Variants in ZNF679 observed in about 807,000 individuals in gnomAD.
ZNF679 encodes the protein hypothetical protein MGC42415.
ZNF679 carries 10 observed loss-of-function variants against 13.4 expected under a neutral mutation model. The observed-to-expected ratio is 0.75, with a 90% CI of 0.46 to 1.27. The LOEUF is 1.27. Among genes scored for constraint, ZNF679 ranks in the 50% most tolerant of loss-of-function variants. ZNF679 has a pLI of 0.00. For synonymous variants in ZNF679, 179 were observed against 162.5 expected (o/e 1.10, Z -0.77); for missense variants, 525 against 477.8 (o/e 1.10, Z -0.92).
chr7:64,240,338 G>T (rs756307148), intron 1 of ZNF679, among the ~76,000 whole-genome samples: 2 of 152,156 alleles, frequency 1.3e-5, no homozygotes, highest in Non-Finnish European at 2.9e-5. Context: ...CACATACATG[G>T]TCACAGCTCA....
At chr7:64,242,148 C>T (rs546126715) in intron 1 of ZNF679, among the ~76,000 whole-genome samples, 6 of 152,320 alleles carry the variant, frequency 3.9e-5, no homozygotes, top group Admixed American at 2.0e-4. Context: ...CACCAACCTA[C>T]CTGTGGACTG....
rs138086056 is a variant in ZNF679 at position 64,257,934 on chromosome 7, G to C, written c.40-2287G>C. On this transcript the variant is annotated intron_variant, in intron 2 of 4. Coordinates refer to ENST00000421025, the MANE Select transcript of ZNF679 (RefSeq NM_153363.3). ...GTCCTGCAGAATCGCTTTGCACAAA[G>C]CAGGGCCAAGATTACCAAGTGATTT... 1.6e-4 allele frequency among the ~76,000 whole-genome samples: 25 copies of C among 152,288 alleles called. No homozygotes were observed. The East Asian group carries it at 4.4e-3, about 27-fold the overall frequency.
At chr7:64,254,577 C>A (rs1353836279) in intron 2 of ZNF679, among the ~76,000 whole-genome samples, 1 of 151,888 alleles carries the variant, frequency 6.6e-6, no homozygotes, top group Non-Finnish European at 1.5e-5. Context: ...TTGCAGAATT[C>A]TGTGAGTATC....
At chr7:64,231,136 T>C (rs1236214169) in intron 1 of ZNF679, among the ~76,000 whole-genome samples, 1 of 152,232 alleles carries the variant, frequency 6.6e-6, no homozygotes, top group Non-Finnish European at 1.5e-5. Context: ...ATGAGTGTTG[T>C]AATCTCTGAC....
chr7:64,248,786 G>A (rs755164321), intron 1 of ZNF679, among the ~76,000 whole-genome samples: 5 of 152,264 alleles, frequency 3.3e-5, no homozygotes, highest in Non-Finnish European at 7.4e-5. Flanking sequence ...GTCCTCTAAG[G>A]TTGGCCTGGC....
At chr7:64,237,447 G>A (rs1205290327) in intron 1 of ZNF679, among the ~76,000 whole-genome samples, 2 of 152,146 alleles carry the variant, frequency 1.3e-5, no homozygotes, top group Non-Finnish European at 2.9e-5. Context: ...CCTGAACCCG[G>A]ATGAGACATG....
chr7:64,265,086 C>G (rs1397250401), intron 4 of ZNF679, among the ~76,000 whole-genome samples: 5 of 151,762 alleles, frequency 3.3e-5, no homozygotes, highest in African/African-American at 1.2e-4. Flanking sequence ...TTTGTAGTTG[C>G]TTTTTCAAAA....
intron 1 of ZNF679, among the ~76,000 whole-genome samples, chr7:64,239,643 C>A (rs1372252781): frequency 6.6e-6 from 1 of 152,092 alleles, no homozygotes; most frequent in Non-Finnish European, 1.5e-5. Flanking sequence ...TTCTTTCCTG[C>A]CTGGACCCTG....
intron 1 of ZNF679, among the ~76,000 whole-genome samples, chr7:64,229,396 CTG>C (rs1465677801): frequency 6.6e-6 from 1 of 152,186 alleles, no homozygotes; most frequent in Non-Finnish European, 1.5e-5. Context: ...AGAGACAACA[CTG>C]TGCCTGTGAG....
At chr7:64,242,283 TGA>T (rs1457158654) in intron 1 of ZNF679, among the ~76,000 whole-genome samples, 4 of 152,214 alleles carry the variant, frequency 2.6e-5, no homozygotes, top group Non-Finnish European at 5.9e-5. Context: ...TGTGTGCATA[TGA>T]GAGAATCTCA....
chr7:64,232,227 G>A (rs1217152578), intron 1 of ZNF679, among the ~76,000 whole-genome samples: 1 of 152,188 alleles, frequency 6.6e-6, no homozygotes, highest in African/African-American at 2.4e-5. Flanking sequence ...CATGTGTTGA[G>A]GGTGAAAATC....
At chr7:64,265,364 A>T (rs1788129527) in intron 4 of ZNF679, among the ~76,000 whole-genome samples, 1 of 152,142 alleles carries the variant, frequency 6.6e-6, no homozygotes, top group South Asian at 2.1e-4. Flanking sequence ...GTAGGTAGCT[A>T]CTTTCCACAC....
chr7:64,246,941 C>G (rs1326537682), intron 1 of ZNF679, among the ~76,000 whole-genome samples: 1 of 152,110 alleles, frequency 6.6e-6, no homozygotes, highest in African/African-American at 2.4e-5. Context: ...ATATGCTAAA[C>G]AAGGGGTGGA....
rs753307058 is a variant in ZNF679 at position 64,266,866 on chromosome 7, A to G, written c.1233A>G (p.Glu411=). Residue 411 remains glutamate (E), a synonymous_variant, in exon 5 of 5, where the codon GAA becomes GAG. Transcript: ENST00000421025. ...CTGGAGAGAAACCCTACAAATGTGAATAATGTGATAAAGTCCAGCCTTCAG... is the reference window on the plus strand; with the variant it reads ...CTGGAGAGAAACCCTACAAATGTGAGTAATGTGATAAAGTCCAGCCTTCAG... ...MHTGEKPYKC[E] 1.4e-5 allele frequency: 22 copies of G among 1,560,776 alleles called. No homozygotes were observed. The highest frequency in any genetic ancestry group is 2.4e-5 in the East Asian group (1 of 42,044).
intron 2 of ZNF679, among the ~76,000 whole-genome samples, chr7:64,255,906 G>A (rs1584235245): frequency 6.6e-6 from 1 of 152,172 alleles, no homozygotes; most frequent in East Asian, 1.9e-4. Flanking sequence ...ACCGCGCCTG[G>A]CAGAATTTTT....
chr7:64,250,471 T>G (rs1029587882), intron 2 of ZNF679, among the ~76,000 whole-genome samples: 1 of 151,948 alleles, frequency 6.6e-6, no homozygotes, highest in Non-Finnish European at 1.5e-5. Context: ...AGTTTTGCCA[T>G]GTTGGACAGG....
chr7:64,252,280 A>G (rs1339242608), intron 2 of ZNF679, among the ~76,000 whole-genome samples: 1 of 152,206 alleles, frequency 6.6e-6, no homozygotes, highest in Non-Finnish European at 1.5e-5. Flanking sequence ...GTCACCTTGA[A>G]AAGATATTTT....
chr7:64,239,905 C>T (rs1787773012), intron 1 of ZNF679, among the ~76,000 whole-genome samples: 1 of 152,142 alleles, frequency 6.6e-6, no homozygotes, highest in Non-Finnish European at 1.5e-5. Flanking sequence ...TATTGCTGGG[C>T]CCAGTACTGG....
chr7:64,243,432 CT>C (rs1034453156), intron 1 of ZNF679, among the ~76,000 whole-genome samples: 2 of 152,148 alleles, frequency 1.3e-5, no homozygotes, highest in Non-Finnish European at 2.9e-5. Flanking sequence ...ACAATCCACC[CT>C]GTAAACATGT....
Sources: gnomAD v4.1 joint callset for allele counts (sites outside exome capture counted in the v4.1 genomes callset) on GRCh38, gnomAD v4.1.1 for gene constraint, MANE v1.5 for transcripts, NCBI Gene and HGNC (gene_info 2026-07-23, HGNC 2026-07-21) for gene names.